NAV3: variants seen among roughly 807,000 people sequenced by gnomAD.
NAV3 encodes pore membrane and/or filament interacting like protein 1.
NAV3 carries 87 observed loss-of-function variants against 244.7 expected under a neutral mutation model. The observed-to-expected ratio is 0.36, with a 90% CI of 0.30 to 0.42. The LOEUF is 0.42. Ranked by LOEUF, NAV3 falls within the 20% of genes least tolerant of loss-of-function variation. The pLI, the probability that NAV3 is intolerant of heterozygous loss-of-function variation, is 1.00. For missense variants in NAV3, 2,663 were observed against 2,893.3 expected (o/e 0.92, Z 1.83); for synonymous variants, 1,126 against 1,042.2 (o/e 1.08, Z -1.55).
chr12:77,917,841 A>G (rs1180590753), intron 1 of NAV3, among the ~76,000 whole-genome samples: 1 of 152,082 alleles, frequency 6.6e-6, no homozygotes, highest in Non-Finnish European at 1.5e-5. Context: ...TCTATTTAAA[A>G]TACCTAGAAA....
chr12:77,620,130 C>T (rs1323036952), intron 2 of NAV3, among the ~76,000 whole-genome samples: 1 of 152,144 alleles, frequency 6.6e-6, no homozygotes, highest in African/African-American at 2.4e-5. Context: ...TGTAGTCATA[C>T]TTCTGAGATT....
intron 2 of NAV3, among the ~76,000 whole-genome samples, chr12:77,600,905 A>G (rs1870399769): frequency 6.6e-6 from 1 of 151,958 alleles, no homozygotes. Flanking sequence ...CTTAAAATCT[A>G]GTACATAATC....
At chr12:77,653,509 A>T (rs1872924508) in intron 2 of NAV3, among the ~76,000 whole-genome samples, 1 of 152,222 alleles carries the variant, frequency 6.6e-6, no homozygotes, top group Non-Finnish European at 1.5e-5. Flanking sequence ...GGATTTGAAA[A>T]TCAAATTTAA....
chr12:77,999,736 A>T (rs1369386003), intron 7 of NAV3, among the ~76,000 whole-genome samples: 2 of 152,184 alleles, frequency 1.3e-5, no homozygotes, highest in Admixed American at 6.5e-5. Flanking sequence ...ATCACAAGAA[A>T]TATTACTGAA....
At chr12:78,070,370 AT>A (rs1203273139) in intron 12 of NAV3, among the ~76,000 whole-genome samples, 3 of 151,734 alleles carry the variant, frequency 2.0e-5, no homozygotes, top group South Asian at 2.1e-4. Flanking sequence ...CCACTAGTAA[AT>A]GCCAGATGCT....
chr12:78,052,798 CT>C (rs1486283030), intron 11 of NAV3, among the ~76,000 whole-genome samples: 1 of 152,092 alleles, frequency 6.6e-6, no homozygotes, highest in East Asian at 1.9e-4. Context: ...TCTATCCCCT[CT>C]TCTCTTTTTT....
At chr12:78,184,829 T>C (rs1958644898) in intron 30 of NAV3, among the ~76,000 whole-genome samples, 1 of 151,792 alleles carries the variant, frequency 6.6e-6, no homozygotes, top group African/African-American at 2.4e-5. Flanking sequence ...TCTATGATAG[T>C]ATTATTATTA....
In NAV3 at chr12:78,037,540, ATT is replaced by A. The variant is rs5799370; in HGVS notation, c.2024-12443_2024-12442del. On this transcript the variant is annotated intron_variant, in intron 9 of 39. Transcript: ENST00000397909. Reference sequence around the variant, plus strand: ...TTTTAAATTCCTGTTTCTTGAAGTGATTTTTTTTTTTAATTTTTTGGTAAAAC... The same window carrying A: ...TTTTAAATTCCTGTTTCTTGAAGTGATTTTTTTTTAATTTTTTGGTAAAAC... Among the ~76,000 whole-genome samples, 12 of 150,112 alleles carry A rather than the reference ATT, an allele frequency of 8.0e-5. No individual in the cohort carries two copies. In the East Asian group the frequency reaches 9.8e-4, roughly 12 times the overall value.
chr12:78,103,976 G>T (rs1477163193), intron 12 of NAV3, among the ~76,000 whole-genome samples: 6 of 152,216 alleles, frequency 3.9e-5, no homozygotes. Context: ...TCATTAAAAG[G>T]TTAGAAGTGA....
chr12:77,976,154 G>A (rs539389453), intron 5 of NAV3, among the ~76,000 whole-genome samples: 9 of 152,234 alleles, frequency 5.9e-5, no homozygotes, highest in South Asian at 2.1e-4. Context: ...GAAAGGTTTG[G>A]TAGGGAGAAG....
intron 34 of NAV3, 147 bp from the exon 35 acceptor site, chr12:78,197,100 G>A (rs140723963): frequency 1.3e-5 from 7 of 538,754 alleles, no homozygotes; most frequent in Admixed American, 8.6e-5. Flanking sequence ...TTGATTTGTA[G>A]GAAAAGATTT....
intron 12 of NAV3, among the ~76,000 whole-genome samples, chr12:78,087,952 CT>C (rs1055240272): frequency 6.6e-6 from 1 of 151,572 alleles, no homozygotes; most frequent in Non-Finnish European, 1.5e-5. Context: ...TCACAGAAAG[CT>C]TTTGCTAAAT....
intron 12 of NAV3, among the ~76,000 whole-genome samples, chr12:78,099,687 A>G (rs1214396061): frequency 6.6e-6 from 1 of 151,962 alleles, no homozygotes; most frequent in Admixed American, 6.6e-5. Flanking sequence ...CTTTAAAATG[A>G]GCATTGAATT....
intron 1 of NAV3, among the ~76,000 whole-genome samples, chr12:77,835,212 C>G (rs147393606): frequency 0.016 from 2,367 of 152,296 alleles, 27 homozygotes; most frequent in Non-Finnish European, 0.021. Context: ...TTCTTCCACA[C>G]TGGCCTCGTT....
chr12:78,011,489 A>G (rs1469988263), intron 8 of NAV3, among the ~76,000 whole-genome samples: 1 of 152,212 alleles, frequency 6.6e-6, no homozygotes, highest in Non-Finnish European at 1.5e-5. Context: ...AAAATGGAGT[A>G]AACTAATGCA....
intron 2 of NAV3, among the ~76,000 whole-genome samples, chr12:77,742,934 A>G (rs1322310890): frequency 6.6e-6 from 1 of 152,022 alleles, no homozygotes; most frequent in African/African-American, 2.4e-5. Context: ...TTAGTGCAAT[A>G]CTGTAAACCT....
rs1870579356 is a variant in NAV3, at chr12:77,604,444, T to G, written c.72+32178T>G. Among the ~76,000 whole-genome samples, 4 of 152,004 alleles carry G rather than the reference T, an allele frequency of 2.6e-5. No individual in the cohort carries two copies. In the South Asian group the frequency reaches 8.3e-4, roughly 31 times the overall value. On this transcript the variant is annotated intron_variant, in intron 2 of 8. Coordinates refer to the NAV3 transcript ENST00000550042. ...GAACATTTAAAATCATGTATAGAGA[T>G]ACCTTAATAAAACTATGACACAGAA... is the stretch of plus-strand genomic sequence containing the variant.
intron 38 of NAV3, among the ~76,000 whole-genome samples, chr12:78,203,837 A>G (rs1228203229): frequency 7.8e-6 from 1 of 127,590 alleles, no homozygotes; most frequent in East Asian, 3.0e-4. Flanking sequence ...TTGTAATATT[A>G]TACTTTTTTT....
intron 2 of NAV3, among the ~76,000 whole-genome samples, chr12:77,606,293 C>T (rs1592497743): frequency 2.0e-5 from 3 of 152,142 alleles, no homozygotes; most frequent in Middle Eastern, 3.4e-3. Flanking sequence ...ATGCTGAATG[C>T]GAAGGAACAA....
Sources: allele counts gnomAD v4.1 joint callset (sites outside exome capture counted in the v4.1 genomes callset), GRCh38; gene constraint gnomAD v4.1.1; transcripts MANE v1.5; gene names NCBI Gene and HGNC (gene_info 2026-07-23, HGNC 2026-07-21).